Variants in SLC14A2 observed in about 807,000 individuals in gnomAD.
SLC14A2 encodes the protein solute carrier family 14 member 2, also known as urea transporter 2.
A neutral mutation model predicts 104.6 loss-of-function variants in SLC14A2; 91 were observed. The ratio of observed to expected loss-of-function variants is 0.87; its 90% CI spans 0.73 to 1.04. SLC14A2 has a LOEUF of 1.04. Ranked by LOEUF, SLC14A2 falls within the 50% of genes least tolerant of loss-of-function variation. The pLI, the probability that SLC14A2 is intolerant of heterozygous loss-of-function variation, is 0.00. For missense variants in SLC14A2, 1,189 were observed against 1,156.0 expected, an observed-to-expected ratio of 1.03 and a Z score of -0.41; for synonymous variants, 476 against 466.4, an observed-to-expected ratio of 1.02 and a Z score of -0.27.
At chr18:45,382,990 T>C (rs2085855093) in intron 1 of SLC14A2, among the ~76,000 whole-genome samples, 1 of 152,206 alleles carries the variant, frequency 6.6e-6, no homozygotes, top group South Asian at 2.1e-4. Context: ...GGATTCTAAG[T>C]GTTGTTCAGT....
At chr18:45,674,396 CA>C (rs1362555016) in intron 18 of SLC14A2, among the ~76,000 whole-genome samples, 1 of 151,952 alleles carries the variant, frequency 6.6e-6, no homozygotes, top group East Asian at 1.9e-4. Context: ...AAAAATTTTC[CA>C]AATATTCTTG....
chr18:45,446,567 G>T (rs906033091), intron 1 of SLC14A2, among the ~76,000 whole-genome samples: 8 of 152,192 alleles, frequency 5.3e-5, no homozygotes, highest in Admixed American at 2.0e-4. Flanking sequence ...TGTTATAGCT[G>T]CCCAAGCTGA....
chr18:45,335,791 G>T (rs1430025125), intron 1 of SLC14A2, among the ~76,000 whole-genome samples: 2 of 152,186 alleles, frequency 1.3e-5, no homozygotes, highest in African/African-American at 4.8e-5. Context: ...CATTTTACTT[G>T]TAGGGTTTCC....
chr18:45,583,191 G>A (rs116007829), intron 2 of SLC14A2, among the ~76,000 whole-genome samples: 1 of 152,282 alleles, frequency 6.6e-6, no homozygotes, highest in Middle Eastern at 3.4e-3. Context: ...TCATTTAACA[G>A]GATGCCCTAT....
chr18:45,362,169 AC>A (rs1436674783), intron 1 of SLC14A2, among the ~76,000 whole-genome samples: 1 of 152,248 alleles, frequency 6.6e-6, no homozygotes, highest in East Asian at 1.9e-4. Flanking sequence ...TGAAGAAGGT[AC>A]TTGTTTCTCC....
intron 2 of SLC14A2, among the ~76,000 whole-genome samples, chr18:45,503,348 G>A (rs1032611183): frequency 6.6e-6 from 1 of 152,092 alleles, no homozygotes; most frequent in South Asian, 2.1e-4. Context: ...TAACCAAAAT[G>A]GGGTCATCCC....
intron 1 of SLC14A2, among the ~76,000 whole-genome samples, chr18:45,622,668 G>A (rs552185191): frequency 6.6e-6 from 1 of 152,274 alleles, no homozygotes; most frequent in Admixed American, 6.5e-5. Context: ...CCAAAAGAGA[G>A]TGTGAAGGAG....
the SLC14A2 span, among the ~76,000 whole-genome samples, chr18:45,203,976 C>G: frequency 6.6e-6 from 1 of 152,108 alleles, no homozygotes; most frequent in African/African-American, 2.4e-5. Context: ...TTTTACGGAG[C>G]TTGAAGAGTG....
At chr18:45,213,307 T>C (rs1355852151) in intron 1 of SLC14A2, 1 of 152,160 alleles carries the variant, frequency 6.6e-6, no homozygotes, top group Non-Finnish European at 1.5e-5. Flanking sequence ...TTTTATATAT[T>C]TTTTTCAGGA....
chr18:45,331,599 G>C (rs770903062), intron 1 of SLC14A2, among the ~76,000 whole-genome samples: 4 of 151,706 alleles, frequency 2.6e-5, no homozygotes, highest in Non-Finnish European at 4.4e-5. Flanking sequence ...GCTGAGGCAG[G>C]AGAATGGCAT....
intron 2 of SLC14A2, among the ~76,000 whole-genome samples, chr18:45,518,397 CTTCA>C (rs10589715): frequency 0.67 from 101,591 of 151,412 alleles, 35,123 homozygotes; most frequent in East Asian, 0.91. Context: ...TAGCATTTGT[CTTCA>C]TTCATTCATT....
intron 2 of SLC14A2, among the ~76,000 whole-genome samples, chr18:45,542,843 G>A (rs1190157112): frequency 6.6e-6 from 1 of 151,840 alleles, no homozygotes; most frequent in Non-Finnish European, 1.5e-5. Flanking sequence ...AGTTGGATGT[G>A]GCCTCTTATC....
rs74812257 is a variant in SLC14A2, at chr18:45,220,228, G to A, written c.-125+7037G>A. On this transcript the variant is annotated intron_variant, in intron 1 of 20. Transcript: ENST00000586448. ...AAAATGCCCCTGGAAGTGTCATCCCGTCCTGTTTAAACCAAATCACCTGGT... is the reference window on the plus strand; with the variant it reads ...AAAATGCCCCTGGAAGTGTCATCCCATCCTGTTTAAACCAAATCACCTGGT... Among the ~76,000 whole-genome samples the A allele has an allele frequency of 3.6e-3, 553 of 152,268 alleles. 3 individuals are homozygous for A. Among genetic ancestry groups the A allele is most frequent in the Non-Finnish European group, 5.7e-3 (389 of 68,008 alleles).
intron 1 of SLC14A2, among the ~76,000 whole-genome samples, chr18:45,464,312 A>T (rs1226513021): frequency 6.6e-6 from 1 of 152,170 alleles, no homozygotes; most frequent in Non-Finnish European, 1.5e-5. Context: ...AAATAACCTC[A>T]CAAGTCTCTG....
rs537892854 is a variant in SLC14A2 at position 45,450,414 on chromosome 18, A to T, written c.-124-32819A>T. On this transcript the variant is annotated intron_variant, in intron 1 of 20. Coordinates refer to the SLC14A2 transcript ENST00000586448. ...TTGTCAGGAGGTAATCACTCTGAAG[A>T]CAATACAACTTGAGAATTATATACA... 3.3e-5 allele frequency among the ~76,000 whole-genome samples: 5 copies of T among 152,304 alleles called. No individual in the cohort carries two copies. The South Asian group carries it at 1.0e-3, about 32-fold the overall frequency.
At chr18:45,405,432 TCCAGGTGA>T (rs1177720378) in intron 1 of SLC14A2, among the ~76,000 whole-genome samples, 1 of 152,130 alleles carries the variant, frequency 6.6e-6, no homozygotes, top group Non-Finnish European at 1.5e-5. Context: ...CCAAAATTGT[TCCAGGTGA>T]CCACAATAAA....
intron 2 of SLC14A2, among the ~76,000 whole-genome samples, chr18:45,563,971 T>C (rs1010281561): frequency 1.3e-5 from 2 of 152,204 alleles, no homozygotes; most frequent in African/African-American, 4.8e-5. Context: ...TCTAAAATGC[T>C]CTTTGAATTT....
intron 1 of SLC14A2, among the ~76,000 whole-genome samples, chr18:45,280,095 A>G (rs2084746409): frequency 1.3e-5 from 2 of 152,198 alleles, no homozygotes; most frequent in Non-Finnish European, 2.9e-5. Context: ...TGTGCTGCGT[A>G]CTGTTCACTC....
Position 45,532,513 on chromosome 18 carries a change from T to C in SLC14A2, c.-35+49191T>C, listed in dbSNP as rs913347035. Among the ~76,000 whole-genome samples the C allele has an allele frequency of 1.2e-4, 17 of 142,090 alleles. 1 individual carries two copies. Among genetic ancestry groups the C allele is most frequent in the Middle Eastern group, 3.5e-3 (1 of 284 alleles). The allele number at this position is 142,090 out of a possible 152,430, so 93.2% of individuals were successfully genotyped here. Reference sequence around the variant, plus strand: ...TTTGGCTGTTTGTCTGTTATTGGTGTATAAGAATGCTTGTGATTTTTGCAC... The same window carrying C: ...TTTGGCTGTTTGTCTGTTATTGGTGCATAAGAATGCTTGTGATTTTTGCAC... On this transcript the variant is annotated intron_variant, in intron 2 of 20. Transcript: ENST00000586448.
Sources: allele counts gnomAD v4.1 joint callset (sites outside exome capture counted in the v4.1 genomes callset), GRCh38; gene constraint gnomAD v4.1.1; transcripts MANE v1.5; gene names NCBI Gene and HGNC (gene_info 2026-07-23, HGNC 2026-07-21).